The following EXOC6 variants were observed in gnomAD, a reference collection of about 807,000 sequenced individuals.
The protein encoded by EXOC6 is exocyst complex component 6, also known as SEC15-like 1.
In EXOC6, 60 loss-of-function variants were observed where a neutral mutation model predicts 112.5. The observed-to-expected ratio is 0.53, with a 90% CI of 0.43 to 0.66. EXOC6 has a LOEUF of 0.66. EXOC6 is among the 30% of genes least tolerant of loss of function. EXOC6 has a pLI of 0.00. For missense variants in EXOC6, 855 were observed against 957.1 expected, an observed-to-expected ratio of 0.89 and a Z score of 1.41; for synonymous variants, 295 against 308.0, an observed-to-expected ratio of 0.96 and a Z score of 0.44.
At position 93,038,667 on chromosome 10, in the gene EXOC6, C is replaced by T. The variant is rs138314729; in HGVS notation, c.2170-18257C>T. Among the ~76,000 whole-genome samples, 99 of 152,282 alleles carry T rather than the reference C, an allele frequency of 6.5e-4. No homozygotes were observed. The East Asian group carries it at 0.018, about 28-fold the overall frequency. On this transcript the variant is annotated intron_variant, in intron 20 of 21. Transcript: ENST00000260762. ...TTAGAAGCTTTTTCATGTATAATCTCTGCTTTTCCTTCATGGCTGTTTTGT... is the reference window on the plus strand; with the variant it reads ...TTAGAAGCTTTTTCATGTATAATCTTTGCTTTTCCTTCATGGCTGTTTTGT...
At chr10:92,942,690 T>C (rs1852733691) in intron 13 of EXOC6, among the ~76,000 whole-genome samples, 3 of 152,202 alleles carry the variant, frequency 2.0e-5, no homozygotes, top group Admixed American at 2.0e-4. Context: ...TTTATAGTTA[T>C]AAAATCTTAT....
At chr10:92,874,054 GA>G (rs77166885) in intron 1 of EXOC6, among the ~76,000 whole-genome samples, 3,821 of 113,340 alleles carry the variant, frequency 0.034, 72 homozygotes, top group African/African-American at 0.068. Flanking sequence ...CCATGTCACA[GA>G]AAAAAAAAAA....
At chr10:92,997,754 G>C (rs969276619) in intron 19 of EXOC6, 139 bp downstream of exon 19, 8 of 574,218 alleles carry the variant, frequency 1.4e-5, no homozygotes, top group Non-Finnish European at 2.2e-5. Context: ...CTTAGGAGTA[G>C]GGCTAACTTC....
intron 17 of EXOC6, among the ~76,000 whole-genome samples, chr10:92,966,888 A>G (rs1227623328): frequency 7.1e-6 from 1 of 140,270 alleles, no homozygotes; most frequent in African/African-American, 2.8e-5. Flanking sequence ...TGGTTGAACT[A>G]GTTTACAGTC....
intron 19 of EXOC6, among the ~76,000 whole-genome samples, chr10:93,007,255 C>G (rs1051116157): frequency 6.7e-6 from 1 of 149,846 alleles, no homozygotes; most frequent in Admixed American, 6.7e-5. Flanking sequence ...TTGCATAGAT[C>G]CTGAGGGGAA....
intron 1 of EXOC6, among the ~76,000 whole-genome samples, chr10:92,881,890 A>G (rs987237828): frequency 6.6e-6 from 1 of 152,096 alleles, no homozygotes; most frequent in Non-Finnish European, 1.5e-5. Context: ...CCCTGCTGCC[A>G]TGTGAAGAAG....
At chr10:92,860,334 T>C (rs1847850959) in intron 1 of EXOC6, among the ~76,000 whole-genome samples, 1 of 143,900 alleles carries the variant, frequency 6.9e-6, no homozygotes, top group Non-Finnish European at 1.5e-5. Context: ...TGCAGTGGCG[T>C]GATCTCGCTC....
chr10:93,007,220 C>T (rs535259419), intron 19 of EXOC6, among the ~76,000 whole-genome samples: 1 of 152,230 alleles, frequency 6.6e-6, no homozygotes, highest in South Asian at 2.1e-4. Flanking sequence ...TTTTCCTTCC[C>T]CCCTCGTAAC....
upstream of EXOC6, among the ~76,000 whole-genome samples, chr10:92,844,261 T>C (rs1001118837): frequency 2.2e-4 from 33 of 152,182 alleles, no homozygotes; most frequent in African/African-American, 7.7e-4. Flanking sequence ...CTCTACTATA[T>C]GCAAGGCACT....
intron 17 of EXOC6, among the ~76,000 whole-genome samples, chr10:92,966,303 A>ATTG (rs1842049639): frequency 6.7e-6 from 1 of 148,386 alleles, no homozygotes; most frequent in Non-Finnish European, 1.5e-5. Context: ...TATTATTATT[A>ATTG]TTATTATACT....
chr10:92,975,932 C>A (rs1277364394), intron 18 of EXOC6, among the ~76,000 whole-genome samples: 1 of 140,098 alleles, frequency 7.1e-6, no homozygotes. Context: ...GGGGTCAGCC[C>A]CCCGCCCGGC....
chr10:93,055,737 G>T (rs981204656), intron 20 of EXOC6, among the ~76,000 whole-genome samples: 7 of 152,052 alleles, frequency 4.6e-5, no homozygotes, highest in South Asian at 4.2e-4. Context: ...TATCTTGTCC[G>T]AAAGAAAATA....
At chr10:93,030,932 T>G (rs532680900) in intron 20 of EXOC6, among the ~76,000 whole-genome samples, 3 of 152,154 alleles carry the variant, frequency 2.0e-5, no homozygotes, top group Non-Finnish European at 4.4e-5. Context: ...TTTGCCAAAA[T>G]AAGAACCTTA....
chr10:92,994,531 A>C (rs1001350564), intron 18 of EXOC6, among the ~76,000 whole-genome samples: 2 of 152,166 alleles, frequency 1.3e-5, no homozygotes, highest in East Asian at 1.9e-4. Context: ...GAGAGGGAAA[A>C]TGTTGGTAAT....
intron 19 of EXOC6, among the ~76,000 whole-genome samples, chr10:93,013,028 GAAA>G (rs892378104): frequency 1.3e-5 from 2 of 150,716 alleles, no homozygotes; most frequent in East Asian, 1.9e-4. Flanking sequence ...TCGAGAAAAA[GAAA>G]AAAAAGAAGA....
chr10:92,908,057 CTTTTTTTTT>C (rs10632745), intron 5 of EXOC6, among the ~76,000 whole-genome samples: 1 of 100,706 alleles, frequency 9.9e-6, no homozygotes, highest in Non-Finnish European at 1.8e-5. Flanking sequence ...AATATAATGT[CTTTTTTTTT>C]TTTTTTTTTT....
At chr10:92,992,579 A>G (rs1345930822) in intron 18 of EXOC6, among the ~76,000 whole-genome samples, 1 of 152,124 alleles carries the variant, frequency 6.6e-6, no homozygotes, top group Non-Finnish European at 1.5e-5. Context: ...CATTTGAACA[A>G]GATGTTCCAT....
At chr10:92,860,685 G>T (rs1847871606) in intron 1 of EXOC6, among the ~76,000 whole-genome samples, 1 of 152,138 alleles carries the variant, frequency 6.6e-6, no homozygotes, top group Admixed American at 6.6e-5. Flanking sequence ...GATTACTCTA[G>T]ATACCTAATA....
intron 1 of EXOC6, among the ~76,000 whole-genome samples, chr10:92,851,720 GGAGT>G (rs1441338654): frequency 6.6e-6 from 1 of 151,608 alleles, no homozygotes; most frequent in Non-Finnish European, 1.5e-5. Flanking sequence ...CAAAAAAACG[GGAGT>G]GAGAGAGGTT....
Sources: allele counts gnomAD v4.1 joint callset (sites outside exome capture counted in the v4.1 genomes callset), GRCh38; gene constraint gnomAD v4.1.1; transcripts MANE v1.5; gene names NCBI Gene and HGNC (gene_info 2026-07-23, HGNC 2026-07-21).